ARNT2: variants seen among roughly 807,000 people sequenced by gnomAD.
The protein encoded by ARNT2 is ARNT protein 2.
Under a neutral mutation model 91.7 loss-of-function variants are expected in ARNT2, and 36 were observed. The observed-to-expected ratio is 0.39, with a 90% CI of 0.30 to 0.52. The LOEUF is 0.52. Among genes scored for constraint, ARNT2 ranks in the 20% least tolerant of loss-of-function variants. The pLI is 0.72. For missense variants in ARNT2, 775 were observed against 939.3 expected, an observed-to-expected ratio of 0.83 and a Z score of 2.29; for synonymous variants, 365 against 347.1, an observed-to-expected ratio of 1.05 and a Z score of -0.57.
intron 8 of ARNT2, among the ~76,000 whole-genome samples, chr15:80,528,770 C>T (rs953664172): frequency 4.6e-5 from 7 of 152,176 alleles, no homozygotes; most frequent in African/African-American, 1.7e-4. Flanking sequence ...AGAGTAGAAG[C>T]ACCCTGAGAC....
chr15:80,464,023 G>C (rs546180243), intron 3 of ARNT2, among the ~76,000 whole-genome samples: 1 of 152,190 alleles, frequency 6.6e-6, no homozygotes, highest in South Asian at 2.1e-4. Context: ...TAACACTAGA[G>C]TTTTTTGGAG....
intron 12 of ARNT2, among the ~76,000 whole-genome samples, chr15:80,569,454 C>T (rs566172677): frequency 1.2e-4 from 19 of 152,212 alleles, no homozygotes; most frequent in African/African-American, 1.7e-4. Context: ...ATACCATTGC[C>T]GTGAAATGTC....
intron 3 of ARNT2, among the ~76,000 whole-genome samples, chr15:80,464,432 T>C (rs1008256219): frequency 6.6e-6 from 1 of 152,186 alleles, no homozygotes; most frequent in Non-Finnish European, 1.5e-5. Flanking sequence ...ACAGGGATTG[T>C]CAGAGGTGCC....
rs577126248 is a variant in ARNT2, at chr15:80,576,747, G to A, written c.1514-119G>A. 5.9e-6 allele frequency: 6 copies of A among 1,012,590 alleles called. No individual in the cohort carries two copies. In the African/African-American group the frequency reaches 9.4e-5, roughly 16 times the overall value. 62.7% of individuals were successfully genotyped at this position (1,012,590 alleles called of 1,614,324 possible). On this transcript the variant is annotated intron_variant, in intron 14 of 18. Coordinates refer to ENST00000303329, the MANE Select transcript of ARNT2 (RefSeq NM_014862.4). ...TGAGAAGATTGCGTGCAGGCGGGCT[G>A]CCCTGACTTGTGTCCTCCCGTTCCC...
At chr15:80,552,974 C>G (rs924447895) in intron 10 of ARNT2, among the ~76,000 whole-genome samples, 200 bp downstream of exon 10, 3 of 152,206 alleles carry the variant, frequency 2.0e-5, no homozygotes, top group African/African-American at 7.2e-5. Flanking sequence ...TTAACATGGA[C>G]TCTTTCTTCT....
At chr15:80,579,517 G>A (rs1406256688) in intron 15 of ARNT2, among the ~76,000 whole-genome samples, 2 of 151,612 alleles carry the variant, frequency 1.3e-5, no homozygotes, top group Non-Finnish European at 2.9e-5. Flanking sequence ...TTTTTAACAC[G>A]GAGCTGAAAA....
chr15:80,544,128 A>G (rs576767980), intron 8 of ARNT2, among the ~76,000 whole-genome samples: 5 of 152,298 alleles, frequency 3.3e-5, no homozygotes, highest in Admixed American at 1.3e-4. Flanking sequence ...CCACAGCTCT[A>G]CTTAACTGTT....
At position 80,541,220 on chromosome 15, in the gene ARNT2, A is replaced by C. The variant is rs149154076; in HGVS notation, c.878-9979A>C. ...GATGGTATCTCTGCGGTTTTGTTTG[A>C]TATTTCTCTGATGATTAGTGATGTT... On this transcript the variant is annotated intron_variant, in intron 8 of 18. Coordinates refer to ENST00000303329, the MANE Select transcript of ARNT2 (RefSeq NM_014862.4). Among the ~76,000 whole-genome samples the C allele has an allele frequency of 2.0e-3, 310 of 151,970 alleles. 7 individuals are homozygous for C. The East Asian group carries it at 0.032, about 16-fold the overall frequency.
At chr15:80,593,540 GC>G (rs1893322123) in intron 18 of ARNT2, 59 bp from the exon 19 acceptor site, 1 of 1,381,852 alleles carries the variant, frequency 7.2e-7, no homozygotes, top group South Asian at 1.3e-5. Flanking sequence ...CCTGGGACAT[GC>G]CCAGTGCACG....
intron 1 of ARNT2, among the ~76,000 whole-genome samples, chr15:80,435,652 T>C (rs944762826): frequency 1.3e-5 from 2 of 152,142 alleles, no homozygotes; most frequent in African/African-American, 2.4e-5. Context: ...ACTAAGGATA[T>C]GCTGTCCAAG....
intron 3 of ARNT2, among the ~76,000 whole-genome samples, chr15:80,469,125 C>T (rs1185922829): frequency 1.3e-5 from 2 of 152,028 alleles, no homozygotes; most frequent in Non-Finnish European, 2.9e-5. Flanking sequence ...TTAGATAATT[C>T]TTTTATCCCA....
intron 8 of ARNT2, among the ~76,000 whole-genome samples, chr15:80,521,212 T>A (rs1897540399): frequency 1.3e-5 from 2 of 152,194 alleles, no homozygotes; most frequent in African/African-American, 4.8e-5. Flanking sequence ...TATATTTTAT[T>A]TTCACATTGA....
At chr15:80,492,233 G>A (rs1897067449) in intron 5 of ARNT2, among the ~76,000 whole-genome samples, 1 of 151,996 alleles carries the variant, frequency 6.6e-6, no homozygotes, top group African/African-American at 2.4e-5. Flanking sequence ...TAGAGAAAAG[G>A]TCTGGTGTTG....
intron 8 of ARNT2, among the ~76,000 whole-genome samples, chr15:80,532,365 C>G (rs1225221704): frequency 6.6e-6 from 1 of 152,136 alleles, no homozygotes; most frequent in African/African-American, 2.4e-5. Context: ...ACCATTTTCT[C>G]TTTAAAGGAT....
At chr15:80,516,239 T>C (rs1028558222) in intron 8 of ARNT2, among the ~76,000 whole-genome samples, 2 of 152,214 alleles carry the variant, frequency 1.3e-5, no homozygotes, top group Admixed American at 1.3e-4. Context: ...CAACTATGTT[T>C]TTATTGACTT....
rs115562097 is a variant in ARNT2, at chr15:80,500,110, G to C, written c.623-8046G>C. On this transcript the variant is annotated intron_variant, in intron 5 of 18. Transcript: ENST00000303329. ...ATTCTCTCCCAGGTTCACTGACACAGCTCCAGGCTCCAAAGTTTGTTCAGG... is the reference window on the plus strand; with the variant it reads ...ATTCTCTCCCAGGTTCACTGACACACCTCCAGGCTCCAAAGTTTGTTCAGG... Among the ~76,000 whole-genome samples the C allele has an allele frequency of 8.9e-3, 1,349 of 152,296 alleles. 16 individuals are homozygous for C. The highest frequency in any genetic ancestry group is 0.031 in the African/African-American group (1,294 of 41,570).
intron 8 of ARNT2, among the ~76,000 whole-genome samples, chr15:80,531,128 T>A (rs536389922): frequency 1.3e-5 from 2 of 152,252 alleles, no homozygotes; most frequent in Non-Finnish European, 2.9e-5. Context: ...TTTTTCCTTC[T>A]GAGTTTTGTG....
At chr15:80,436,337 A>G (rs1055428167) in intron 1 of ARNT2, 1 of 154,436 alleles carries the variant, frequency 6.5e-6, no homozygotes, top group African/African-American at 2.4e-5. Flanking sequence ...TGGTGATTCC[A>G]TACGACAAAT....
chr15:80,576,351 A>T (rs7359260), intron 14 of ARNT2, among the ~76,000 whole-genome samples: 2,553 of 152,018 alleles, frequency 0.017, 67 homozygotes, highest in African/African-American at 0.058. Context: ...ATCTCAGCTC[A>T]CTGCAGCCTC....
Sources: allele counts gnomAD v4.1 joint callset (sites outside exome capture counted in the v4.1 genomes callset), GRCh38; gene constraint gnomAD v4.1.1; transcripts MANE v1.5; gene names NCBI Gene and HGNC (gene_info 2026-07-23, HGNC 2026-07-21).